MTMR3: variants seen among roughly 807,000 people sequenced by gnomAD.
MTMR3 encodes phosphatidylinositol-3,5-bisphosphate 3-phosphatase MTMR3.
A neutral mutation model predicts 132.4 loss-of-function variants in MTMR3; 32 were observed. That is an observed-to-expected ratio of 0.24 (90% CI 0.18 to 0.32). The LOEUF (loss-of-function observed/expected upper bound fraction) is 0.32, where lower values mean the gene tolerates loss of function less well. Ranked by LOEUF, MTMR3 falls within the 10% of genes least tolerant of loss-of-function variation. MTMR3 has a pLI of 1.00. For synonymous variants in MTMR3, 556 were observed against 550.3 expected (o/e 1.01, Z -0.14); for missense variants, 1,216 against 1,489.6 (o/e 0.82, Z 3.02).
At chr22:29,940,315 T>C (rs2065832668) in intron 1 of MTMR3, among the ~76,000 whole-genome samples, 1 of 150,948 alleles carries the variant, frequency 6.6e-6, no homozygotes, top group African/African-American at 2.5e-5. Context: ...CTTGAGAATG[T>C]ACTTTGTGAG....
At chr22:29,948,541 G>A (rs1159632794) in intron 1 of MTMR3, among the ~76,000 whole-genome samples, 1 of 152,098 alleles carries the variant, frequency 6.6e-6, no homozygotes, top group African/African-American at 2.4e-5. Flanking sequence ...AATAGGAATG[G>A]CATGCTTATT....
At chr22:29,971,529 C>T (rs1452448361) in intron 3 of MTMR3, among the ~76,000 whole-genome samples, 1 of 151,898 alleles carries the variant, frequency 6.6e-6, no homozygotes, top group Non-Finnish European at 1.5e-5. Flanking sequence ...TACATATATA[C>T]CTTGTGGAAT....
Position 30,027,595 on chromosome 22 carries a change from G to A in MTMR3, c.*1794G>A, listed in dbSNP as rs949313757. 1 of 152,776 alleles carries A rather than the reference G, an allele frequency of 6.5e-6. No individual in the cohort carries two copies. The highest frequency in any genetic ancestry group is 2.4e-5 in the African/African-American group (1 of 41,446). The allele number at this position is 152,776 out of a possible 1,614,324, so 9.5% of individuals were successfully genotyped here. A position where few individuals can be genotyped will look rare whatever the true frequency, so the allele number is the denominator to read the frequency against. ...GACAGGTGCCAAGAGGTTATGATAC[G>A]GGTTTCTTGGGTCTGATGTACAGTG... is the stretch of plus-strand genomic sequence containing the variant. On this transcript the variant is annotated 3_prime_UTR_variant, in exon 20 of 20. Coordinates refer to ENST00000401950, the MANE Select transcript of MTMR3 (RefSeq NM_021090.4).
chr22:29,937,586 T>C (rs2065776574), intron 1 of MTMR3, among the ~76,000 whole-genome samples: 1 of 152,136 alleles, frequency 6.6e-6, no homozygotes, highest in Non-Finnish European at 1.5e-5. Flanking sequence ...CACCCAAACT[T>C]TATTTGTTTT....
chr22:29,937,412 T>C (rs1030177776), intron 1 of MTMR3, among the ~76,000 whole-genome samples: 1 of 125,402 alleles, frequency 8.0e-6, no homozygotes, highest in Non-Finnish European at 1.6e-5. Context: ...TTCAAAAAAC[T>C]TTGCAGATTT....
chr22:30,008,874 T>C (rs139382979), intron 11 of MTMR3, 144 bp from the exon 12 acceptor site: 38 of 597,716 alleles, frequency 6.4e-5, no homozygotes, highest in African/African-American at 5.9e-4. Flanking sequence ...AGGATTGGGC[T>C]AATAGTTAAG....
chr22:30,030,647 G>GGGGGC lies in MTMR3; in HGVS notation c.*4847_*4848insGGGCG, dbSNP rs749927557. 1 of 76,360 alleles carries GGGGGC rather than the reference G, an allele frequency of 1.3e-5. No homozygotes were observed. Among genetic ancestry groups the GGGGGC allele is most frequent in the Non-Finnish European group, 2.6e-5 (1 of 38,518 alleles). The allele number at this position is 76,360 out of a possible 1,614,324, so 4.7% of individuals were successfully genotyped here. A position where few individuals can be genotyped will look rare whatever the true frequency, so the allele number is the denominator to read the frequency against. ...CTCAGCGAGGAGGGGGCGGGGGGGG[G>GGGGGC]GTCACTATTTATCTTCCAGAGGCAG... On this transcript the variant is annotated 3_prime_UTR_variant, in exon 20 of 20. Coordinates refer to ENST00000401950, the MANE Select transcript of MTMR3 (RefSeq NM_021090.4).
intron 1 of MTMR3, among the ~76,000 whole-genome samples, chr22:29,948,799 T>TAAAAAAAA (rs35433786): frequency 2.7e-5 from 4 of 145,470 alleles, no homozygotes; most frequent in African/African-American, 1.0e-4. Flanking sequence ...TATTATTGTC[T>TAAAAAAAA]AAAAAAAAAA....
At chr22:29,940,720 G>A (rs1012629486) in intron 1 of MTMR3, among the ~76,000 whole-genome samples, 4 of 150,162 alleles carry the variant, frequency 2.7e-5, no homozygotes, top group Admixed American at 1.3e-4. Flanking sequence ...GGTGCCAGGT[G>A]ACTGACTAAT....
intron 7 of MTMR3, chr22:29,994,728 G>A (rs1247511983): frequency 1.3e-5 from 2 of 152,182 alleles, no homozygotes; most frequent in Admixed American, 6.5e-5. Context: ...GGAGAGAAAT[G>A]AGAAAATTAC....
chr22:29,919,067 G>C (rs1030655813), intron 1 of MTMR3, among the ~76,000 whole-genome samples: 10 of 152,112 alleles, frequency 6.6e-5, no homozygotes, highest in African/African-American at 2.2e-4. Flanking sequence ...CTCCCTACAA[G>C]GGACATTTTA....
intron 15 of MTMR3, chr22:30,017,662 C>G: frequency 2.5e-6 from 1 of 396,326 alleles, no homozygotes; most frequent in Non-Finnish European, 4.5e-6. Context: ...TAAGAAATAA[C>G]TATAATGAGA....
In MTMR3 at chr22:30,020,103, A is replaced by G. The variant is rs892045825; in HGVS notation, c.2444A>G (p.Asp815Gly). ...REEAVLPIPV[D>G]AKVGYGTSQS... is the part of the protein sequence containing the mutation. The stretch of plus-strand genomic sequence containing the variant: ...GAAGCAGTTCTTCCAATCCCAGTAG[A>G]TGCAAAAGTTGGCTATGGTACCTCA... Residue 815 changes from aspartate to glycine, a missense_variant, in exon 17 of 20, where the codon GAT becomes GGT. Coordinates refer to ENST00000401950, the MANE Select transcript of MTMR3 (RefSeq NM_021090.4). 13 of 1,614,206 alleles carry G rather than the reference A, an allele frequency of 8.1e-6. No individual in the cohort carries two copies. The highest frequency in any genetic ancestry group is 1.1e-5 in the Non-Finnish European group (13 of 1,180,026).
At chr22:30,007,049 C>A in intron 9 of MTMR3, 65 bp from the exon 10 acceptor site, 1 of 1,556,734 alleles carries the variant, frequency 6.4e-7, no homozygotes, top group Non-Finnish European at 8.8e-7. Context: ...CACTTAAAAT[C>A]TATTTTGTGT....
chr22:29,902,406 GTTT>G (rs534691732), intron 1 of MTMR3, among the ~76,000 whole-genome samples: 1 of 134,488 alleles, frequency 7.4e-6, no homozygotes. Flanking sequence ...GGTTATGAAA[GTTT>G]TTTTTTTTTT....
intron 1 of MTMR3, among the ~76,000 whole-genome samples, chr22:29,892,054 G>A (rs2064809919): frequency 6.6e-6 from 1 of 151,972 alleles, no homozygotes; most frequent in African/African-American, 2.4e-5. Context: ...TTGGGAGGCT[G>A]AGGAAGGATA....
chr22:29,891,722 C>G (rs1005801088), intron 1 of MTMR3, among the ~76,000 whole-genome samples: 1 of 152,038 alleles, frequency 6.6e-6, no homozygotes, highest in African/African-American at 2.4e-5. Context: ...TGTGAGCCAC[C>G]GTGCATATGT....
chr22:29,886,221 A>G (rs2064674100), intron 1 of MTMR3, among the ~76,000 whole-genome samples: 2 of 152,250 alleles, frequency 1.3e-5, no homozygotes, highest in South Asian at 4.1e-4. Flanking sequence ...TTTTGATCAA[A>G]TAGGGCTCTG....
chr22:29,979,073 C>T, intron 5 of MTMR3, 21 bp downstream of exon 5: 2 of 1,478,456 alleles, frequency 1.4e-6, no homozygotes, highest in Non-Finnish European at 1.9e-6. Flanking sequence ...ACCAGCTGTT[C>T]TCCCTCTAAG....
Sources: allele counts gnomAD v4.1 joint callset (sites outside exome capture counted in the v4.1 genomes callset), GRCh38; gene constraint gnomAD v4.1.1; transcripts MANE v1.5; gene names NCBI Gene and HGNC (gene_info 2026-07-23, HGNC 2026-07-21).